Variants in CNTLN observed in about 807,000 individuals in gnomAD.
CNTLN encodes centlein, centrosomal protein.
Under a neutral mutation model 180.0 loss-of-function variants are expected in CNTLN, and 212 were observed. The ratio of observed to expected loss-of-function variants is 1.18; its 90% CI spans 1.05 to 1.32. The LOEUF is 1.32. Among genes scored for constraint, CNTLN ranks in the 40% most tolerant of loss-of-function variants. CNTLN has a pLI of 0.00. For missense variants in CNTLN, 2,095 were observed against 1,610.9 expected (o/e 1.30, Z -5.14); for synonymous variants, 722 against 563.1 (o/e 1.28, Z -3.99).
chr9:17,484,154 C>G, intron 23 of CNTLN, 141 bp from the exon 24 acceptor site: 2 of 658,840 alleles, frequency 3.0e-6, no homozygotes, highest in Non-Finnish European at 5.0e-6. Context: ...AAAGAGCAAT[C>G]CACTATATTC....
the CNTLN span, among the ~76,000 whole-genome samples, chr9:17,527,489 C>T: frequency 3.9e-5 from 6 of 152,234 alleles, no homozygotes; most frequent in South Asian, 8.3e-4. Context: ...TCTGATTCTG[C>T]GATGCATGTA....
intron 2 of CNTLN, among the ~76,000 whole-genome samples, chr9:17,174,698 G>GAAAAAA (rs34784210): frequency 4.0e-5 from 5 of 124,452 alleles, no homozygotes; most frequent in South Asian, 2.5e-4. Flanking sequence ...TCCGTCTCAG[G>GAAAAAA]AAAAAAAAAA....
intron 5 of CNTLN, among the ~76,000 whole-genome samples, chr9:17,245,288 G>A (rs1825733735): frequency 6.6e-6 from 1 of 151,438 alleles, no homozygotes; most frequent in Non-Finnish European, 1.5e-5. Flanking sequence ...TTTGTTTGAA[G>A]GATATTTTTG....
At position 17,259,885 on chromosome 9, in the gene CNTLN, G is replaced by T. The variant is rs1391075081; in HGVS notation, c.850-13848G>T. Among the ~76,000 whole-genome samples, 11 of 133,524 alleles carry T rather than the reference G, an allele frequency of 8.2e-5. 1 individual carries two copies. In the South Asian group the frequency reaches 1.1e-3, roughly 14 times the overall value. The allele number at this position is 133,524 out of a possible 152,430, so 87.6% of individuals were successfully genotyped here. The stretch of plus-strand genomic sequence containing the variant: ...CTCTCTTTTTTTCTTTATTATTCTT[G>T]CTAGCGGTCTATCTATTTTGTTGAT... On this transcript the variant is annotated intron_variant, in intron 5 of 25. Coordinates refer to ENST00000380647, the MANE Select transcript of CNTLN (RefSeq NM_017738.4).
At chr9:17,437,495 C>G (rs573305182) in intron 18 of CNTLN, among the ~76,000 whole-genome samples, 1 of 152,090 alleles carries the variant, frequency 6.6e-6, no homozygotes, top group Non-Finnish European at 1.5e-5. Context: ...CATCAACATA[C>G]TTTCAGATAG....
rs77810890 is a variant in CNTLN at position 17,269,307 on chromosome 9, G to C, written c.850-4426G>C. Among the ~76,000 whole-genome samples the C allele has an allele frequency of 1.1e-3, 167 of 151,712 alleles. 3 individuals carry two copies. In the East Asian group the frequency reaches 0.031, roughly 28 times the overall value. On this transcript the variant is annotated intron_variant, in intron 5 of 25. Transcript: ENST00000380647. ...TATTTCCTTTCTTCTGCTAACTTTT[G>C]GTTCAATTTGTTCTTCTTCTAATTG...
intron 23 of CNTLN, among the ~76,000 whole-genome samples, chr9:17,476,607 T>A (rs1255632558): frequency 6.6e-6 from 1 of 152,186 alleles, no homozygotes; most frequent in African/African-American, 2.4e-5. Flanking sequence ...ACACAGAAAG[T>A]TTTAGTGGTC....
chr9:17,367,263 G>A (rs899868611), intron 13 of CNTLN, among the ~76,000 whole-genome samples: 1 of 152,192 alleles, frequency 6.6e-6, no homozygotes, highest in South Asian at 2.1e-4. Context: ...GCAAAACCGG[G>A]CCAAATGCAT....
intron 25 of CNTLN, among the ~76,000 whole-genome samples, chr9:17,498,891 A>G (rs1555420): frequency 0.92 from 139,909 of 152,180 alleles, 65,027 homozygotes; most frequent in Non-Finnish European, 0.98. Flanking sequence ...CTAAAATCCT[A>G]TTAGTAAAAG....
intron 7 of CNTLN, chr9:17,298,646 G>A: frequency 9.6e-7 from 1 of 1,036,606 alleles, no homozygotes; most frequent in East Asian, 7.4e-5. Context: ...TAGGAGTATA[G>A]TCTCAAAACT....
chr9:17,236,649 A>G (rs1825163907), intron 5 of CNTLN, 61 bp downstream of exon 5: 21 of 1,332,660 alleles, frequency 1.6e-5, no homozygotes, highest in Non-Finnish European at 2.2e-5. Flanking sequence ...TAGGAAGTTT[A>G]ATACATGTTA....
chr9:17,248,202 A>G (rs1825919510), intron 5 of CNTLN, among the ~76,000 whole-genome samples: 1 of 152,078 alleles, frequency 6.6e-6, no homozygotes, highest in Non-Finnish European at 1.5e-5. Context: ...CATTATTGAG[A>G]TACCTTTATT....
At chr9:17,186,234 C>T (rs897009851) in intron 2 of CNTLN, among the ~76,000 whole-genome samples, 2 of 152,150 alleles carry the variant, frequency 1.3e-5, no homozygotes, top group African/African-American at 4.8e-5. Flanking sequence ...AAAGGGTATT[C>T]ATCTTTGAAT....
At chr9:17,256,370 A>G (rs1826488362) in intron 5 of CNTLN, among the ~76,000 whole-genome samples, 1 of 151,984 alleles carries the variant, frequency 6.6e-6, no homozygotes, top group South Asian at 2.1e-4. Flanking sequence ...CTAATTTTCA[A>G]ACCTACCAAC....
chr9:17,463,580 A>C (rs1268502645), intron 20 of CNTLN, among the ~76,000 whole-genome samples: 6 of 151,664 alleles, frequency 4.0e-5, no homozygotes, highest in Admixed American at 1.3e-4. Flanking sequence ...GATACATTTG[A>C]GATATATGTA....
chr9:17,466,786 G>A lies in CNTLN; in HGVS notation c.3750G>A (p.Lys1250=), dbSNP rs747143824. Residue 1250 remains lysine, a synonymous_variant, in exon 23 of 26, where the codon AAG becomes AAA. Coordinates refer to ENST00000380647, the MANE Select transcript of CNTLN (RefSeq NM_017738.4). ...CAGAAATTGAAACAGCAGCATCTAA[G>A]CAGCTTCAAGAATTAGCATTGCAAA... ...AMAEIETAAS[K]QLQELALQSE... The A allele has an allele frequency of 6.2e-7, 1 of 1,611,006 alleles. No homozygotes were observed. Among genetic ancestry groups the A allele is most frequent in the South Asian group, 1.1e-5 (1 of 90,952 alleles).
Position 17,260,609 on chromosome 9 carries a change from C to T in CNTLN, c.850-13124C>T, listed in dbSNP as rs970895881. ...GATGCATAATTTGTGAAAATTTTCT[C>T]CCATTCTGTATGTTGACTGTTTACT... On this transcript the variant is annotated intron_variant, in intron 5 of 25. Coordinates refer to ENST00000380647, the MANE Select transcript of CNTLN (RefSeq NM_017738.4). Among the ~76,000 whole-genome samples, 56 of 151,328 alleles carry T rather than the reference C, an allele frequency of 3.7e-4. 2 individuals carry two copies. The highest frequency in any genetic ancestry group is 9.2e-4 in the Admixed American group (14 of 15,218).
At chr9:17,266,875 G>A (rs1055813050) in intron 5 of CNTLN, among the ~76,000 whole-genome samples, 1 of 151,628 alleles carries the variant, frequency 6.6e-6, no homozygotes, top group East Asian at 1.9e-4. Flanking sequence ...GCCTTTTTTT[G>A]TTTTCCATTT....
At chr9:17,328,094 C>T (rs936121943) in intron 8 of CNTLN, among the ~76,000 whole-genome samples, 2 of 152,042 alleles carry the variant, frequency 1.3e-5, no homozygotes, top group South Asian at 2.1e-4. Flanking sequence ...TGTTTTTGTA[C>T]CTTATGCATG....
Sources: gnomAD v4.1 joint callset for allele counts (sites outside exome capture counted in the v4.1 genomes callset) on GRCh38, gnomAD v4.1.1 for gene constraint, MANE v1.5 for transcripts, NCBI Gene and HGNC (gene_info 2026-07-23, HGNC 2026-07-21) for gene names.